SNTG1: variants seen among roughly 807,000 people sequenced by gnomAD.
SNTG1 encodes gamma-1-syntrophin.
A neutral mutation model predicts 74.7 loss-of-function variants in SNTG1; 39 were observed. The ratio of observed to expected loss-of-function variants is 0.52; its 90% CI spans 0.40 to 0.68. SNTG1 has a LOEUF of 0.68. SNTG1 is among the 30% of genes least tolerant of loss of function. SNTG1 has a pLI of 0.00. For missense variants in SNTG1, 685 were observed against 609.5 expected (o/e 1.12, Z -1.30); for synonymous variants, 254 against 217.1 (o/e 1.17, Z -1.49).
At chr8:50,251,759 T>C (rs2086656990) in intron 2 of SNTG1, among the ~76,000 whole-genome samples, 1 of 151,984 alleles carries the variant, frequency 6.6e-6, no homozygotes, top group Non-Finnish European at 1.5e-5. Context: ...AATATAATAA[T>C]GGTAAGAGAC....
At chr8:50,230,705 A>T (rs1045634302) in intron 2 of SNTG1, among the ~76,000 whole-genome samples, 1 of 151,324 alleles carries the variant, frequency 6.6e-6, no homozygotes, top group Admixed American at 6.6e-5. Flanking sequence ...ACATGCAAAA[A>T]ATCAGCCTGG....
chr8:50,288,340 A>C (rs1290313544), intron 2 of SNTG1, among the ~76,000 whole-genome samples: 1 of 152,200 alleles, frequency 6.6e-6, no homozygotes, highest in African/African-American at 2.4e-5. Flanking sequence ...TAACAAAAAA[A>C]AATTAAATAT....
chr8:50,286,629 C>T (rs2088802096), intron 2 of SNTG1: 2 of 152,308 alleles, frequency 1.3e-5, no homozygotes, highest in East Asian at 1.9e-4. Context: ...TTGTCGGCTT[C>T]AACCCAACAT....
intron 12 of SNTG1, among the ~76,000 whole-genome samples, chr8:50,575,879 A>G (rs2094574072): frequency 6.6e-6 from 1 of 152,174 alleles, no homozygotes; most frequent in African/African-American, 2.4e-5. Context: ...AACTTCTTTC[A>G]GCCTCATTTT....
chr8:50,322,885 G>A (rs2090587411), intron 2 of SNTG1, among the ~76,000 whole-genome samples: 1 of 151,858 alleles, frequency 6.6e-6, no homozygotes, highest in Non-Finnish European at 1.5e-5. Context: ...GGGAGGCCAA[G>A]GAAGCAGATT....
chr8:50,112,990 C>T (rs1226412720), intron 1 of SNTG1, among the ~76,000 whole-genome samples: 1 of 152,244 alleles, frequency 6.6e-6, no homozygotes, highest in South Asian at 2.1e-4. Flanking sequence ...GTTTTGGTTA[C>T]TGTAGCCCTG....
At chr8:50,401,304 T>C (rs2092802463) in intron 3 of SNTG1, among the ~76,000 whole-genome samples, 1 of 152,182 alleles carries the variant, frequency 6.6e-6, no homozygotes, top group Admixed American at 6.5e-5. Flanking sequence ...AGTGGGAATG[T>C]TAAGTGCACT....
chr8:50,482,765 C>T (rs1417694737), intron 8 of SNTG1, among the ~76,000 whole-genome samples: 1 of 152,060 alleles, frequency 6.6e-6, no homozygotes, highest in Admixed American at 6.6e-5. Context: ...TACTTTGGCT[C>T]CAAACTATGC....
chr8:50,176,351 T>C (rs997109511), intron 2 of SNTG1, among the ~76,000 whole-genome samples: 1 of 152,186 alleles, frequency 6.6e-6, no homozygotes, highest in Non-Finnish European at 1.5e-5. Flanking sequence ...GGAAATCATC[T>C]CTATTTCTAG....
chr8:49,960,555 A>C (rs1275259198), intron 1 of SNTG1, among the ~76,000 whole-genome samples: 1 of 152,110 alleles, frequency 6.6e-6, no homozygotes, highest in Non-Finnish European at 1.5e-5. Flanking sequence ...TGAAAGGACG[A>C]TATGTTGATA....
At chr8:50,440,497 T>C (rs10096508) in intron 5 of SNTG1, among the ~76,000 whole-genome samples, 13,692 of 152,196 alleles carry the variant, frequency 0.09, 1,907 homozygotes, top group African/African-American at 0.3. Context: ...TTGTTAGCAC[T>C]ATTTTCCTTA....
intron 2 of SNTG1, among the ~76,000 whole-genome samples, chr8:50,181,328 T>C (rs1268031180): frequency 2.0e-5 from 3 of 152,230 alleles, no homozygotes; most frequent in African/African-American, 7.2e-5. Flanking sequence ...GTTTTTATTT[T>C]CCTAATGGAG....
chr8:50,735,146 T>C (rs1478397938), intron 17 of SNTG1, among the ~76,000 whole-genome samples: 1 of 151,558 alleles, frequency 6.6e-6, no homozygotes. Flanking sequence ...TTACTCATTC[T>C]TCCTGCCCGA....
intron 1 of SNTG1, among the ~76,000 whole-genome samples, chr8:50,149,678 G>T (rs2081996229): frequency 1.3e-5 from 2 of 152,078 alleles, no homozygotes; most frequent in South Asian, 4.1e-4. Context: ...TTTTTGTCAG[G>T]GTTGTCAAAG....
intron 1 of SNTG1, among the ~76,000 whole-genome samples, chr8:50,110,137 T>G (rs979498298): frequency 1.3e-5 from 2 of 152,178 alleles, no homozygotes; most frequent in Non-Finnish European, 2.9e-5. Flanking sequence ...TCTTAGGGAT[T>G]TCTCCTCTGC....
At chr8:50,582,898 G>A (rs2094620408) in intron 12 of SNTG1, among the ~76,000 whole-genome samples, 1 of 152,032 alleles carries the variant, frequency 6.6e-6, no homozygotes, top group African/African-American at 2.4e-5. Context: ...CAAGCTCAAA[G>A]AGCCTATAGT....
intron 1 of SNTG1, among the ~76,000 whole-genome samples, chr8:50,035,884 G>A (rs1818118371): frequency 6.6e-6 from 1 of 152,090 alleles, no homozygotes; most frequent in Non-Finnish European, 1.5e-5. Context: ...AGATGTCCAA[G>A]CACAGACTGC....
chr8:50,671,849 G>A (rs752292870), intron 15 of SNTG1, among the ~76,000 whole-genome samples: 11 of 151,876 alleles, frequency 7.2e-5, no homozygotes, highest in South Asian at 2.1e-4. Flanking sequence ...ATACACCATG[G>A]AATATTATGC....
chr8:50,658,120 T>C (rs2095195106), intron 14 of SNTG1, among the ~76,000 whole-genome samples: 1 of 152,154 alleles, frequency 6.6e-6, no homozygotes, highest in South Asian at 2.1e-4. Context: ...CCAACCTAAG[T>C]AAGTGAAATA....
Sources: gnomAD v4.1 joint callset for allele counts (sites outside exome capture counted in the v4.1 genomes callset) on GRCh38, gnomAD v4.1.1 for gene constraint, MANE v1.5 for transcripts, NCBI Gene and HGNC (gene_info 2026-07-23, HGNC 2026-07-21) for gene names.